LRRIQ4: variants seen among roughly 807,000 people sequenced by gnomAD.
LRRIQ4 encodes the protein leucine-rich repeat and IQ domain-containing protein 4.
LRRIQ4 carries 21 observed loss-of-function variants against 40.1 expected under a neutral mutation model. The observed-to-expected ratio is 0.52, with a 90% CI of 0.37 to 0.75. LRRIQ4 has a LOEUF of 0.75. LRRIQ4 is among the 30% of genes least tolerant of loss of function. The pLI is 0.00. For synonymous variants in LRRIQ4, 277 were observed against 277.1 expected (o/e 1.00, Z 0.00); for missense variants, 655 against 660.0 (o/e 0.99, Z 0.08).
intron 5 of LRRIQ4, among the ~76,000 whole-genome samples, 171 bp from the exon 6 acceptor site, chr3:169,837,308 T>A (rs986402459): frequency 3.3e-5 from 5 of 152,206 alleles, no homozygotes; most frequent in African/African-American, 1.2e-4. Flanking sequence ...TTTTAAAAAA[T>A]TTGTCTGAAT....
intron 1 of LRRIQ4, among the ~76,000 whole-genome samples, chr3:169,817,567 T>C (rs749931420): frequency 2.6e-5 from 4 of 152,250 alleles, no homozygotes; most frequent in African/African-American, 4.8e-5. Flanking sequence ...GTCTATTTCT[T>C]TCTTTATCTC....
At chr3:169,821,612 C>T (rs1169740952) in intron 1 of LRRIQ4, among the ~76,000 whole-genome samples, 1 of 152,020 alleles carries the variant, frequency 6.6e-6, no homozygotes, top group Admixed American at 6.6e-5. Context: ...TGCACTCCAG[C>T]CTGGGCAACA....
chr3:169,817,259 A>T (rs549456685), intron 1 of LRRIQ4, among the ~76,000 whole-genome samples: 1 of 152,106 alleles, frequency 6.6e-6, no homozygotes, highest in African/African-American at 2.4e-5. Flanking sequence ...TCCTCTTGTT[A>T]TTGCTTTCTA....
At chr3:169,827,583 G>C (rs1780068278) in intron 2 of LRRIQ4, among the ~76,000 whole-genome samples, 3 of 145,752 alleles carry the variant, frequency 2.1e-5, no homozygotes, top group Non-Finnish European at 3.0e-5. Context: ...CTCCAGCCTG[G>C]GCGGCAGAGC....
intron 3 of LRRIQ4, among the ~76,000 whole-genome samples, chr3:169,829,490 G>GTT (rs34181076): frequency 0.46 from 67,194 of 144,522 alleles, 16,131 homozygotes; most frequent in East Asian, 0.74. Context: ...TTAAAGAACT[G>GTT]TTTTTTTTTT....
At position 169,833,224 on chromosome 3, in the gene LRRIQ4, G is replaced by T. The variant is rs755629951; in HGVS notation, c.1530+41G>T. 4.0e-6 allele frequency: 6 copies of T among 1,507,548 alleles called. No homozygotes were observed. The South Asian group carries it at 4.8e-5, about 12-fold the overall frequency. 93.4% of individuals were successfully genotyped at this position (1,507,548 alleles called of 1,614,324 possible). A position where few individuals can be genotyped will look rare whatever the true frequency, so the allele number is the denominator to read the frequency against. ...ATTCTTGATAACAGTTGCTTTAGAG[G>T]GAGTCTAATGGTAAACACAGTACAG... On this transcript the variant is annotated intron_variant, in intron 5 of 5. Transcript: ENST00000340806.
At chr3:169,827,982 C>A (rs182351384) in intron 2 of LRRIQ4, among the ~76,000 whole-genome samples, 39 of 152,270 alleles carry the variant, frequency 2.6e-4, no homozygotes, top group African/African-American at 9.1e-4. Flanking sequence ...TAATGGAGTT[C>A]ACTGAACACT....
At position 169,822,345 on chromosome 3, in the gene LRRIQ4, C is replaced by G. The variant is rs770894247; in HGVS notation, c.424C>G (p.His142Asp). ...TCCCGTCGTCATCTTTAAAAACCTC[C>G]ACCATCTCGAGCTGCTCGGACTGAC... ...EIPVVIFKNL[H>D]HLELLGLTGN... Residue 142 changes from histidine (H) to aspartate (D), a missense_variant, in exon 2 of 6, where the codon CAC (histidine) becomes GAC (aspartate). By Grantham distance (81) the His-to-Asp change is moderately conservative (BLOSUM62 -1). Coordinates refer to ENST00000340806, the MANE Select transcript of LRRIQ4 (RefSeq NM_001080460.3). The G allele has an allele frequency of 6.2e-7, 1 of 1,613,800 alleles. No individual in the cohort carries two copies. Among genetic ancestry groups the G allele is most frequent in the Admixed American group, 1.7e-5 (1 of 60,002 alleles).
At position 169,822,914 on chromosome 3, in the gene LRRIQ4, G is replaced by C. The variant is rs76751052; in HGVS notation, c.993G>C (p.Leu331=). The C allele has an allele frequency of 9.6e-4, 1,491 of 1,547,672 alleles. 13 individuals are homozygous for C. In the African/African-American group the frequency reaches 0.018, roughly 19 times the overall value. ...QICALKNLEV[L]GLDDNKIGQL... ...GTGCACTGAAGAACCTTGAAGTCCT[G>C]GGACTGGATGACAATAAAATAGGAC... Residue 331 remains leucine (L), a synonymous_variant, in exon 2 of 6, where the codon CTG becomes CTC. Coordinates refer to ENST00000340806, the MANE Select transcript of LRRIQ4 (RefSeq NM_001080460.3).
intron 5 of LRRIQ4, 77 bp downstream of exon 5, chr3:169,833,260 G>A (rs764380252): frequency 4.8e-6 from 6 of 1,243,176 alleles, no homozygotes; most frequent in African/African-American, 1.5e-5. Flanking sequence ...ATTATCCTAC[G>A]GAGCAACTCC....
chr3:169,823,683 G>C (rs1779971693), intron 2 of LRRIQ4, among the ~76,000 whole-genome samples: 1 of 152,174 alleles, frequency 6.6e-6, no homozygotes, highest in Non-Finnish European at 1.5e-5. Context: ...TCTCCTGACA[G>C]AGTTTCCGTT....
In LRRIQ4 at chr3:169,817,891, G is replaced by C. The variant is rs188148572; in HGVS notation, c.-31-4000G>C. ...GGTCTTGTTTTTTAAAATCCATTTA[G>C]CACCTCAAGAGCAATTCCTCAGAGC... On this transcript the variant is annotated intron_variant, in intron 1 of 5. Transcript: ENST00000340806. 5.3e-5 allele frequency among the ~76,000 whole-genome samples: 8 copies of C among 152,154 alleles called. No homozygotes were observed. The East Asian group carries it at 1.5e-3, about 29-fold the overall frequency.
In LRRIQ4 at chr3:169,830,630, G is replaced by A; in HGVS notation, c.1333G>A (p.Ala445Thr). 1 of 1,613,848 alleles carries A rather than the reference G, an allele frequency of 6.2e-7. No individual in the cohort carries two copies. ...TCCAGATGCCATTTGCCAAGCACAAGGTGAGGAAACTTAGTAGATTCACAG... is the reference window on the plus strand; with the variant it reads ...TCCAGATGCCATTTGCCAAGCACAAAGTGAGGAAACTTAGTAGATTCACAG... ...QLPDAICQAQALKELRLEDNL... is the reference protein window; with the variant it reads ...QLPDAICQAQTLKELRLEDNL... Residue 445 changes from alanine to threonine, a missense_variant and splice_region_variant, in exon 4 of 6, where the codon GCT (alanine) becomes ACT (threonine). Ala to Thr is a moderately conservative substitution (Grantham distance 58). Coordinates refer to ENST00000340806, the MANE Select transcript of LRRIQ4 (RefSeq NM_001080460.3).
chr3:169,826,002 A>G (rs1326333525), intron 2 of LRRIQ4, among the ~76,000 whole-genome samples: 1 of 152,246 alleles, frequency 6.6e-6, no homozygotes, highest in African/African-American at 2.4e-5. Context: ...CTTAAAGCCT[A>G]ACCAGTAGCT....
At chr3:169,827,587 G>GA (rs1161193480) in intron 2 of LRRIQ4, among the ~76,000 whole-genome samples, 3 of 143,646 alleles carry the variant, frequency 2.1e-5, no homozygotes, top group Non-Finnish European at 3.0e-5. Context: ...AGCCTGGGCG[G>GA]CAGAGCGAGA....
intron 1 of LRRIQ4, among the ~76,000 whole-genome samples, chr3:169,819,519 T>C (rs1779831418): frequency 6.6e-6 from 1 of 152,186 alleles, no homozygotes; most frequent in Non-Finnish European, 1.5e-5. Context: ...TAAAATCAAG[T>C]CTAAAATTTC....
rs1325051475 is a variant in LRRIQ4 at position 169,826,931 on chromosome 3, A to G, written c.1021-1828A>G. ...TCCTTACTCTACACAAAAAAGAGAA[A>G]AATGCATTATGGAAGATTCCAAGTA... On this transcript the variant is annotated intron_variant, in intron 2 of 5. Coordinates refer to ENST00000340806, the MANE Select transcript of LRRIQ4 (RefSeq NM_001080460.3). Among the ~76,000 whole-genome samples the G allele has an allele frequency of 2.6e-5, 4 of 152,214 alleles. No homozygotes were observed. In the South Asian group the frequency reaches 6.2e-4, roughly 24 times the overall value.
At chr3:169,813,763 C>T (rs1779691739) in intron 1 of LRRIQ4, among the ~76,000 whole-genome samples, 1 of 152,198 alleles carries the variant, frequency 6.6e-6, no homozygotes, top group Non-Finnish European at 1.5e-5. Context: ...CAGTAAATCC[C>T]TTCATTCCTT....
chr3:169,826,521 C>T (rs1055069996), intron 2 of LRRIQ4, among the ~76,000 whole-genome samples: 1 of 152,118 alleles, frequency 6.6e-6, no homozygotes. Flanking sequence ...TTCTATACAT[C>T]TAGATTTCTT....
Sources: allele counts gnomAD v4.1 joint callset (sites outside exome capture counted in the v4.1 genomes callset), GRCh38; gene constraint gnomAD v4.1.1; transcripts MANE v1.5; gene names NCBI Gene and HGNC (gene_info 2026-07-23, HGNC 2026-07-21).